The following NAP1L1 variants were observed in gnomAD, a reference collection of about 807,000 sequenced individuals.
NAP1L1 encodes the protein nucleosome assembly protein 1 like 1.
A neutral mutation model predicts 58.9 loss-of-function variants in NAP1L1; 9 were observed. The ratio of observed to expected loss-of-function variants is 0.15; its 90% CI spans 0.09 to 0.27. NAP1L1 has a LOEUF of 0.27. Ranked by LOEUF, NAP1L1 falls within the 10% of genes least tolerant of loss-of-function variation. The pLI, the probability that NAP1L1 is intolerant of heterozygous loss-of-function variation, is 1.00. For missense variants in NAP1L1, 302 were observed against 458.8 expected (o/e 0.66, Z 3.12); for synonymous variants, 130 against 138.3 (o/e 0.94, Z 0.42).
At chr12:76,060,408 A>T in intron 4 of NAP1L1, 129 bp from the exon 5 acceptor site, 2 of 852,714 alleles carry the variant, frequency 2.3e-6, no homozygotes, top group South Asian at 4.1e-5. Flanking sequence ...AGGTAGATTC[A>T]AAGTAAATAA....
Position 76,044,086 on chromosome 12 carries a change from G to A in NAP1L1, c.*4343C>T, listed in dbSNP as rs1948575755. ...AGAGGCTGAGGTGGGAGGATCACTG[G>A]AGGTCAGGAGGTCGAGACCAGCCTG... On this transcript the variant is annotated 3_prime_UTR_variant, in exon 15 of 15. Transcript: ENST00000618691. 1 of 152,216 alleles carries A rather than the reference G, an allele frequency of 6.6e-6. No individual in the cohort carries two copies. The highest frequency in any genetic ancestry group is 1.5e-5 in the Non-Finnish European group (1 of 68,098). 9.4% of individuals were successfully genotyped at this position (152,216 alleles called of 1,614,324 possible).
At chr12:76,058,103 C>T (rs1458995525) in intron 6 of NAP1L1, 4 of 742,728 alleles carry the variant, frequency 5.4e-6, no homozygotes, top group African/African-American at 1.7e-5. Flanking sequence ...ATGACAGCAT[C>T]GAAGATCTTG....
At chr12:76,056,429 G>T (rs538774704) in intron 6 of NAP1L1, 1 of 370,036 alleles carries the variant, frequency 2.7e-6, no homozygotes, top group Admixed American at 4.2e-5. Context: ...AATTAAAAAT[G>T]AAGACTTAAG....
intron 9 of NAP1L1, 83 bp downstream of exon 9, chr12:76,053,687 G>A: frequency 6.8e-7 from 1 of 1,475,236 alleles, no homozygotes; most frequent in Admixed American, 2.1e-5. Flanking sequence ...ATGTACATAT[G>A]TAACTGAAAA....
At chr12:76,065,286 G>A (rs1949610014) in intron 4 of NAP1L1, among the ~76,000 whole-genome samples, 1 of 151,380 alleles carries the variant, frequency 6.6e-6, no homozygotes, top group Non-Finnish European at 1.5e-5. Context: ...CAGTAAATAG[G>A]CACTGAATTT....
At chr12:76,060,355 A>G in intron 4 of NAP1L1, 76 bp from the exon 5 acceptor site, 3 of 1,446,214 alleles carry the variant, frequency 2.1e-6, no homozygotes, top group Non-Finnish European at 2.8e-6. Context: ...CTGAAACTGA[A>G]GCATTGGAGT....
In NAP1L1 at chr12:76,050,650, C is replaced by T; in HGVS notation, c.940G>A (p.Asp314Asn). The T allele has an allele frequency of 1.9e-6, 3 of 1,596,402 alleles. No homozygotes were observed. Among genetic ancestry groups the T allele is most frequent in the Non-Finnish European group, 2.6e-6 (3 of 1,175,602 alleles). ...GCAGCAAGGATAGCTTCAGCATCAT[C>T]ATCCTATTTTTAAAGGAAAACAAAA... The part of the protein sequence containing the change: ...PEVPESGDLD[D>N]DAEAILAADF... The change falls in exon 12 of 15, where the codon GAT (aspartate) becomes AAT (asparagine). Residue 314 changes from aspartate to asparagine, a missense_variant. Coordinates refer to ENST00000618691, the MANE Select transcript of NAP1L1 (RefSeq NM_004537.7).
intron 7 of NAP1L1, among the ~76,000 whole-genome samples, chr12:76,055,559 G>T (rs1949042983): frequency 6.6e-6 from 1 of 152,188 alleles, no homozygotes; most frequent in South Asian, 2.1e-4. Context: ...AATGTAGACG[G>T]TAGGGGCTCA....
Position 76,043,136 on chromosome 12 carries a change from T to C in NAP1L1, c.*5293A>G, listed in dbSNP as rs1456862632. The C allele has an allele frequency of 6.6e-6, 1 of 152,218 alleles. No homozygotes were observed. Among genetic ancestry groups the C allele is most frequent in the Non-Finnish European group, 1.5e-5 (1 of 68,038 alleles). 9.4% of individuals were successfully genotyped at this position (152,218 alleles called of 1,614,324 possible). ...TAACTTACTTTTTCAGTTGCATATA[T>C]ATGACCCTGAAGCCTTTACTGGCCC... On this transcript the variant is annotated 3_prime_UTR_variant, in exon 15 of 15. Coordinates refer to ENST00000618691, the MANE Select transcript of NAP1L1 (RefSeq NM_004537.7).
At chr12:76,057,674 A>G in intron 6 of NAP1L1, 1 of 1,469,168 alleles carries the variant, frequency 6.8e-7, no homozygotes, top group Non-Finnish European at 9.3e-7. Flanking sequence ...TACTGTGAAT[A>G]TATGCCTGAT....
rs1003366196 is a variant in NAP1L1 at position 76,036,652 on chromosome 12, A to G, written c.*11777T>C. 5 of 152,248 alleles carry G rather than the reference A, an allele frequency of 3.3e-5. No individual in the cohort carries two copies. The highest frequency in any genetic ancestry group is 7.3e-5 in the Non-Finnish European group (5 of 68,046). 9.4% of individuals were successfully genotyped at this position (152,248 alleles called of 1,614,324 possible). Reference sequence around the variant, plus strand: ...TCTGATCTGTAAACCAATTTGCAATATACAGTAGAAACTCATGACAATGAT... The same window carrying G: ...TCTGATCTGTAAACCAATTTGCAATGTACAGTAGAAACTCATGACAATGAT... On this transcript the variant is annotated 3_prime_UTR_variant, in exon 15 of 15. Transcript: ENST00000618691.
chr12:76,053,614 A>G (rs1311399904), intron 9 of NAP1L1, among the ~76,000 whole-genome samples, 156 bp downstream of exon 9: 1 of 152,238 alleles, frequency 6.6e-6, no homozygotes, highest in Non-Finnish European at 1.5e-5. Flanking sequence ...TCCAAGGAGA[A>G]TTACAGGAAA....
intron 4 of NAP1L1, among the ~76,000 whole-genome samples, chr12:76,067,007 G>GT (rs537168392): frequency 4.2e-4 from 64 of 151,980 alleles, no homozygotes; most frequent in African/African-American, 1.5e-3. Flanking sequence ...TCACAAAAAA[G>GT]TTTTTTAAAT....
chr12:76,075,165 C>A (rs1158954246), intron 1 of NAP1L1, among the ~76,000 whole-genome samples: 1 of 152,004 alleles, frequency 6.6e-6, no homozygotes, highest in Non-Finnish European at 1.5e-5. Context: ...ATGTTAAAAT[C>A]AAGTTTATCT....
intron 2 of NAP1L1, chr12:76,073,940 C>A: frequency 5.6e-6 from 2 of 355,748 alleles, no homozygotes; most frequent in Non-Finnish European, 5.1e-6. Flanking sequence ...TATTTATAAT[C>A]CATTATCATG....
chr12:76,068,812 T>C, intron 3 of NAP1L1, 97 bp downstream of exon 3: 1 of 707,622 alleles, frequency 1.4e-6, no homozygotes, highest in Non-Finnish European at 2.4e-6. Context: ...AATGGGACAA[T>C]GAGCAAGGGT....
intron 12 of NAP1L1, among the ~76,000 whole-genome samples, chr12:76,050,073 G>A (rs1482126153): frequency 2.0e-5 from 3 of 152,116 alleles, no homozygotes; most frequent in South Asian, 2.1e-4. Flanking sequence ...TGCACTGTAC[G>A]AAAAGGACCT....
At chr12:76,052,284 T>C (rs1333298036) in intron 11 of NAP1L1, among the ~76,000 whole-genome samples, 1 of 152,094 alleles carries the variant, frequency 6.6e-6, no homozygotes. Flanking sequence ...AACCCCAAAC[T>C]TGAACACAAA....
intron 4 of NAP1L1, among the ~76,000 whole-genome samples, chr12:76,066,772 G>A (rs934879982): frequency 2.0e-5 from 3 of 152,020 alleles, no homozygotes; most frequent in African/African-American, 7.2e-5. Flanking sequence ...CTATGTAGGT[G>A]GCAATCCCAC....
Sources: allele counts gnomAD v4.1 joint callset (sites outside exome capture counted in the v4.1 genomes callset), GRCh38; gene constraint gnomAD v4.1.1; transcripts MANE v1.5; gene names NCBI Gene and HGNC (gene_info 2026-07-23, HGNC 2026-07-21).